ZNF10: variants seen among roughly 807,000 people sequenced by gnomAD.
The protein encoded by ZNF10 is zinc finger protein 10, also known as zinc finger protein 10 (KOX 1).
ZNF10 carries 8 observed loss-of-function variants against 12.2 expected under a neutral mutation model. The observed-to-expected ratio is 0.66, with a 90% CI of 0.39 to 1.18. ZNF10 has a LOEUF of 1.18. Ranked by LOEUF, ZNF10 falls within the 50% of genes most tolerant of loss-of-function variation. ZNF10 has a pLI of 0.01. For missense variants in ZNF10, 603 were observed against 678.9 expected (o/e 0.89, Z 1.24); for synonymous variants, 229 against 228.2 (o/e 1.00, Z -0.03).
intron 1 of ZNF10, among the ~76,000 whole-genome samples, chr12:133,131,615 T>G (rs1196372967): frequency 6.6e-6 from 1 of 152,186 alleles, no homozygotes; most frequent in Non-Finnish European, 1.5e-5. Flanking sequence ...TTTTGAAAAT[T>G]ACCTCCACAC....
chr12:133,155,836 A>G lies in ZNF10; in HGVS notation c.590A>G (p.His197Arg). The G allele has an allele frequency of 6.2e-7, 1 of 1,613,732 alleles. No individual in the cohort carries two copies. The change falls in exon 5 of 5, where the codon CAT (histidine) becomes CGT (arginine). Residue 197 changes from histidine to arginine, a missense_variant. By Grantham distance (29) the His-to-Arg change is conservative (BLOSUM62 0). Coordinates refer to ENST00000248211, the MANE Select transcript of ZNF10 (RefSeq NM_015394.5). ...KRDSHTKSLK[H>R]DLVLNGHQDS... The stretch of plus-strand genomic sequence containing the variant: ...GACTCACATACTAAAAGTTTAAAAC[A>G]TGATTTAGTTCTTAATGGTCATCAG...
At position 133,151,073 on chromosome 12, in the gene ZNF10, G is replaced by A; in HGVS notation, c.79G>A (p.Glu27Lys). The A allele has an allele frequency of 1.2e-6, 2 of 1,613,730 alleles. No homozygotes were observed. Among genetic ancestry groups the A allele is most frequent in the South Asian group, 2.2e-5 (2 of 91,034 alleles). The change falls in exon 3 of 5, where the codon GAG becomes AAG. Residue 27 changes from glutamate (E) to lysine (K), a missense_variant. Coordinates refer to ENST00000248211, the MANE Select transcript of ZNF10 (RefSeq NM_015394.5). ...KDVFVDFTREEWKLLDTAQQI... is the reference protein window; with the variant it reads ...KDVFVDFTREKWKLLDTAQQI... ...TGTATTTGTGGACTTCACCAGGGAG[G>A]AGTGGAAGCTGCTGGACACTGCTCA...
At chr12:133,131,678 C>G (rs1479209958) in intron 1 of ZNF10, among the ~76,000 whole-genome samples, 1 of 152,160 alleles carries the variant, frequency 6.6e-6, no homozygotes, top group Non-Finnish European at 1.5e-5. Context: ...AAAATTGTCC[C>G]CCATCTTCCA....
Position 133,156,458 on chromosome 12 carries a change from C to G in ZNF10, c.1212C>G (p.Pro404=), listed in dbSNP as rs766041825. The change falls in exon 5 of 5, where the codon CCC becomes CCG. Residue 404 remains proline (P), a synonymous_variant. Coordinates refer to ENST00000248211, the MANE Select transcript of ZNF10 (RefSeq NM_015394.5). ...AGAGAACCCATGTGAGAGTGAGGCCCTATGAATGCAATGAATGTGGAAAGT... is the reference window on the plus strand; with the variant it reads ...AGAGAACCCATGTGAGAGTGAGGCCGTATGAATGCAATGAATGTGGAAAGT... ...LHQRTHVRVR[P]YECNECGKSY... is the part of the protein sequence containing the mutation. The G allele has an allele frequency of 1.2e-6, 2 of 1,613,578 alleles. No homozygotes were observed. The highest frequency in any genetic ancestry group is 1.7e-5 in the Admixed American group (1 of 59,992).
chr12:133,152,669 G>A (rs1956016105), intron 4 of ZNF10, among the ~76,000 whole-genome samples: 1 of 152,176 alleles, frequency 6.6e-6, no homozygotes, highest in Non-Finnish European at 1.5e-5. Context: ...GCCCACCTCG[G>A]CCTTCCAAAG....
At position 133,156,091 on chromosome 12, in the gene ZNF10, G is replaced by A. The variant is rs765156894; in HGVS notation, c.845G>A (p.Arg282Lys). Residue 282 changes from arginine to lysine, a missense_variant, in exon 5 of 5, where the codon AGG (arginine) becomes AAG (lysine). Physicochemically the swap from Arg to Lys is conservative, Grantham distance 26. Transcript: ENST00000248211. ...TTCAGCTGGCGCTCTAATCTTACTA[G>A]GCATCAGCTTATTCATACTGGAGAA... ...KFFSWRSNLTRHQLIHTGEKP... is the reference protein window; with the variant it reads ...KFFSWRSNLTKHQLIHTGEKP... The A allele has an allele frequency of 2.1e-5, 34 of 1,613,192 alleles. No individual in the cohort carries two copies. Among genetic ancestry groups the A allele is most frequent in the Non-Finnish European group, 2.7e-5 (32 of 1,179,998 alleles).
chr12:133,152,032 G>T, intron 4 of ZNF10, 128 bp downstream of exon 4: 1 of 654,288 alleles, frequency 1.5e-6, no homozygotes. Context: ...AGTTTATCTG[G>T]CCCCTGTTTC....
chr12:133,135,294 T>C lies in ZNF10; in HGVS notation c.-60+4540T>C, dbSNP rs557550643. On this transcript the variant is annotated intron_variant, in intron 1 of 4. Coordinates refer to ENST00000248211, the MANE Select transcript of ZNF10 (RefSeq NM_015394.5). The stretch of plus-strand genomic sequence containing the variant: ...TTGTTCTTACACAGCAGTGACCAAA[T>C]AGTAAGTTGGGCTCCAAACTCTGCA... Among the ~76,000 whole-genome samples the C allele has an allele frequency of 5.3e-5, 8 of 152,218 alleles. No homozygotes were observed. In the South Asian group the frequency reaches 8.3e-4, roughly 16 times the overall value.
chr12:133,134,653 C>G (rs1316562002), intron 1 of ZNF10, among the ~76,000 whole-genome samples: 2 of 152,252 alleles, frequency 1.3e-5, no homozygotes, highest in Middle Eastern at 3.4e-3. Flanking sequence ...GCCCTCTGTC[C>G]TTAAGAGTTT....
At chr12:133,134,916 A>C (rs953831068) in intron 1 of ZNF10, among the ~76,000 whole-genome samples, 1 of 152,164 alleles carries the variant, frequency 6.6e-6, no homozygotes, top group Non-Finnish European at 1.5e-5. Context: ...TCTAACTCCT[A>C]ACATTGGACC....
intron 1 of ZNF10, among the ~76,000 whole-genome samples, chr12:133,138,590 A>G (rs1203420074): frequency 6.6e-6 from 1 of 152,150 alleles, no homozygotes; most frequent in African/African-American, 2.4e-5. Context: ...ATATGTCCTA[A>G]TCCTTCCCTG....
intron 1 of ZNF10, among the ~76,000 whole-genome samples, chr12:133,142,189 G>A (rs1487701850): frequency 3.3e-5 from 5 of 152,140 alleles, no homozygotes; most frequent in South Asian, 2.1e-4. Context: ...TTGGGAGGCC[G>A]AGGCGGGCAG....
intron 2 of ZNF10, among the ~76,000 whole-genome samples, chr12:133,145,579 G>T (rs867346562): frequency 2.0e-5 from 3 of 152,170 alleles, no homozygotes; most frequent in African/African-American, 7.2e-5. Flanking sequence ...GGAGGCTGAG[G>T]TGCGCAGATC....
At position 133,157,161 on chromosome 12, in the gene ZNF10, T is replaced by C. The variant is rs1018212266; in HGVS notation, c.*193T>C. On this transcript the variant is annotated 3_prime_UTR_variant, in exon 5 of 5. Coordinates refer to ENST00000248211, the MANE Select transcript of ZNF10 (RefSeq NM_015394.5). ...TTCAGTACACAAATCCATCAGATTTTCTTCTTTTCATGAATTCCTACAGAA... is the reference window on the plus strand; with the variant it reads ...TTCAGTACACAAATCCATCAGATTTCCTTCTTTTCATGAATTCCTACAGAA... 2.1e-6 allele frequency: 1 copy of C among 471,038 alleles called. No homozygotes were observed. The highest frequency in any genetic ancestry group is 3.4e-6 in the Non-Finnish European group (1 of 296,442). 29.2% of individuals were successfully genotyped at this position (471,038 alleles called of 1,614,324 possible).
intron 1 of ZNF10, chr12:133,143,787 GT>G (rs1490587328): frequency 5.3e-5 from 8 of 152,282 alleles, no homozygotes; most frequent in Admixed American, 4.6e-4. Context: ...GCATGGCTGG[GT>G]TTTCTGCTCA....
chr12:133,156,698 T>C lies in ZNF10; in HGVS notation c.1452T>C (p.Thr484=), dbSNP rs1346754075. Residue 484 remains threonine (T), a synonymous_variant, in exon 5 of 5, where the codon ACT becomes ACC. Transcript: ENST00000248211. ...TTATTGTGCATCAGAGGATACACAC[T>C]GGAGAGAAACCATATGAATGCTGTC... ...SALIVHQRIH[T]GEKPYECCQC... 6.2e-7 allele frequency: 1 copy of C among 1,613,958 alleles called. No homozygotes were observed. The highest frequency in any genetic ancestry group is 2.2e-5 in the East Asian group (1 of 44,878).
chr12:133,144,616 T>G (rs1955965336), intron 2 of ZNF10, 91 bp downstream of exon 2: 3 of 1,292,056 alleles, frequency 2.3e-6, no homozygotes, highest in Non-Finnish European at 2.2e-6. Context: ...TATCTTCTTC[T>G]CCAGCAGACT....
chr12:133,137,768 G>T (rs1350868006), intron 1 of ZNF10, among the ~76,000 whole-genome samples: 1 of 152,146 alleles, frequency 6.6e-6, no homozygotes, highest in Non-Finnish European at 1.5e-5. Context: ...GTTCGGTAGA[G>T]ATTTATTAAA....
In ZNF10 at chr12:133,151,084, G is replaced by A; in HGVS notation, c.90G>A (p.Leu30=). ...FVDFTREEWK[L]LDTAQQIVYR... is the part of the protein sequence containing the mutation. ...ACTTCACCAGGGAGGAGTGGAAGCT[G>A]CTGGACACTGCTCAGCAGATCGTGT... The change falls in exon 3 of 5, where the codon CTG becomes CTA. Residue 30 remains leucine, a synonymous_variant. Coordinates refer to ENST00000248211, the MANE Select transcript of ZNF10 (RefSeq NM_015394.5). The A allele has an allele frequency of 1.2e-6, 2 of 1,613,918 alleles. No individual in the cohort carries two copies. Among genetic ancestry groups the A allele is most frequent in the Non-Finnish European group, 1.7e-6 (2 of 1,179,832 alleles).
Sources: allele counts gnomAD v4.1 joint callset (sites outside exome capture counted in the v4.1 genomes callset), GRCh38; gene constraint gnomAD v4.1.1; transcripts MANE v1.5; gene names NCBI Gene and HGNC (gene_info 2026-07-23, HGNC 2026-07-21).